The following CDH4 variants were observed in gnomAD, a reference collection of about 807,000 sequenced individuals.
CDH4 encodes the protein cadherin-4.
In CDH4, 33 loss-of-function variants were observed where a neutral mutation model predicts 86.0. That is an observed-to-expected ratio of 0.38 (90% CI 0.29 to 0.51). The LOEUF (loss-of-function observed/expected upper bound fraction) is 0.51. Among genes scored for constraint, CDH4 ranks in the 20% least tolerant of loss-of-function variants. CDH4 has a pLI of 0.86. For missense variants in CDH4, 1,114 were observed against 1,307.4 expected, an observed-to-expected ratio of 0.85 and a Z score of 2.28; for synonymous variants, 555 against 549.4, an observed-to-expected ratio of 1.01 and a Z score of -0.14.
chr20:61,367,513 G>T (rs2084817206), intron 2 of CDH4, among the ~76,000 whole-genome samples: 1 of 152,112 alleles, frequency 6.6e-6, no homozygotes, highest in African/African-American at 2.4e-5. Context: ...TGAGCAGCTT[G>T]AAGGGGCTCC....
intron 2 of CDH4, among the ~76,000 whole-genome samples, chr20:61,270,911 C>T (rs1392025795): frequency 3.9e-5 from 6 of 152,154 alleles, no homozygotes; most frequent in Admixed American, 2.0e-4. Flanking sequence ...TTACCATCCT[C>T]TGGATTCATA....
chr20:61,284,795 CT>C (rs1253086912), intron 2 of CDH4, among the ~76,000 whole-genome samples: 2 of 152,168 alleles, frequency 1.3e-5, no homozygotes, highest in East Asian at 3.9e-4. Flanking sequence ...AACAATAAAA[CT>C]TTTTGTCAAA....
At chr20:61,654,782 C>T (rs1345117615) in intron 2 of CDH4, among the ~76,000 whole-genome samples, 1 of 152,240 alleles carries the variant, frequency 6.6e-6, no homozygotes, top group Admixed American at 6.5e-5. Context: ...CGCCAGTGGC[C>T]GTTAAACCAG....
intron 2 of CDH4, among the ~76,000 whole-genome samples, chr20:61,359,775 G>T (rs1025006632): frequency 6.6e-6 from 1 of 152,222 alleles, no homozygotes; most frequent in African/African-American, 2.4e-5. Flanking sequence ...GCCAGGCTGT[G>T]GGGGAGAGAA....
At chr20:61,404,489 C>A (rs764258285) in intron 2 of CDH4, among the ~76,000 whole-genome samples, 26 of 152,142 alleles carry the variant, frequency 1.7e-4, no homozygotes, top group Non-Finnish European at 3.2e-4. Flanking sequence ...GCACCTGGCT[C>A]CGGCCCGAGG....
At chr20:61,474,721 A>G (rs556605027) in intron 2 of CDH4, among the ~76,000 whole-genome samples, 1 of 152,140 alleles carries the variant, frequency 6.6e-6, no homozygotes, top group East Asian at 1.9e-4. Context: ...TAAAAAAAAA[A>G]TTCTTTTTTC....
intron 2 of CDH4, among the ~76,000 whole-genome samples, chr20:61,680,695 A>T (rs1465984077): frequency 1.3e-5 from 2 of 152,128 alleles, no homozygotes; most frequent in Non-Finnish European, 2.9e-5. Context: ...AGCAAGTTCG[A>T]TGCTTTCCTG....
intron 2 of CDH4, among the ~76,000 whole-genome samples, chr20:61,346,303 G>C (rs1179322794): frequency 6.6e-6 from 1 of 152,184 alleles, no homozygotes; most frequent in Admixed American, 6.5e-5. Flanking sequence ...TAGAATCAGT[G>C]CATGGTTGGT....
chr20:61,836,831 T>A (rs1981903567), intron 4 of CDH4, among the ~76,000 whole-genome samples: 1 of 152,252 alleles, frequency 6.6e-6, no homozygotes, highest in South Asian at 2.1e-4. Flanking sequence ...TGGACGGGGT[T>A]ACAATTTTAT....
At chr20:61,767,277 C>T (rs1028800162) in intron 3 of CDH4, among the ~76,000 whole-genome samples, 2 of 152,230 alleles carry the variant, frequency 1.3e-5, no homozygotes, top group Non-Finnish European at 2.9e-5. Context: ...GATGCAGTGG[C>T]TTAAGTCTGT....
At chr20:61,749,931 C>T (rs756098316) in intron 3 of CDH4, among the ~76,000 whole-genome samples, 35 of 152,230 alleles carry the variant, frequency 2.3e-4, no homozygotes, top group Non-Finnish European at 2.4e-4. Context: ...CATGGTGGCA[C>T]GCCCCTGTAA....
At chr20:61,285,072 GTTTTTTTT>G (rs776837492) in intron 2 of CDH4, among the ~76,000 whole-genome samples, 1 of 150,562 alleles carries the variant, frequency 6.6e-6, no homozygotes, top group Non-Finnish European at 1.5e-5. Flanking sequence ...AGCCTTTCCT[GTTTTTTTT>G]TTTTGTTTGT....
rs140319299 is a variant in CDH4, at chr20:61,661,579, C to T, written c.170-81984C>T. On this transcript the variant is annotated intron_variant, in intron 2 of 15. Coordinates refer to ENST00000614565, the MANE Select transcript of CDH4 (RefSeq NM_001794.5). ...AAGGGCCTACAGTTGATGCCATCTG[C>T]GTCACGGGCATGATCTGACATGCGT... Among the ~76,000 whole-genome samples the T allele has an allele frequency of 6.3e-3, 945 of 149,852 alleles. 8 individuals are homozygous for T. Among genetic ancestry groups the T allele is most frequent in the Non-Finnish European group, 9.7e-3 (657 of 67,792 alleles).
chr20:61,805,804 G>A (rs970580085), intron 4 of CDH4, among the ~76,000 whole-genome samples: 1 of 152,242 alleles, frequency 6.6e-6, no homozygotes, highest in Non-Finnish European at 1.5e-5. Context: ...GCCCTGTGGT[G>A]GGTGCATGAG....
chr20:61,509,170 G>A (rs927974528), intron 2 of CDH4, among the ~76,000 whole-genome samples: 1 of 152,082 alleles, frequency 6.6e-6, no homozygotes. Context: ...GCCTGTCTGT[G>A]GTGGGTCCTC....
chr20:61,909,978 C>T (rs540249915), intron 8 of CDH4, among the ~76,000 whole-genome samples: 1 of 152,384 alleles, frequency 6.6e-6, no homozygotes, highest in Non-Finnish European at 1.5e-5. Flanking sequence ...AGGGCTGACG[C>T]ACCTGCCGGG....
chr20:61,847,563 C>T (rs1362335545), intron 5 of CDH4, among the ~76,000 whole-genome samples: 4 of 152,250 alleles, frequency 2.6e-5, no homozygotes, highest in East Asian at 1.9e-4. Flanking sequence ...GGTGTAAACA[C>T]GCTGTGTAAA....
chr20:61,613,998 C>A (rs1202865530), intron 2 of CDH4, among the ~76,000 whole-genome samples: 1 of 152,086 alleles, frequency 6.6e-6, no homozygotes, highest in Non-Finnish European at 1.5e-5. Flanking sequence ...AGATGTTCGT[C>A]CTGCAGAGGC....
chr20:61,742,744 C>T (rs186000076), intron 2 of CDH4, among the ~76,000 whole-genome samples: 2 of 152,152 alleles, frequency 1.3e-5, no homozygotes, highest in African/African-American at 4.8e-5. Context: ...GATGAATCTG[C>T]GCCTCTGGAG....
Sources: allele counts gnomAD v4.1 joint callset (sites outside exome capture counted in the v4.1 genomes callset), GRCh38; gene constraint gnomAD v4.1.1; transcripts MANE v1.5; gene names NCBI Gene and HGNC (gene_info 2026-07-23, HGNC 2026-07-21).